Variants in PPP1R1C observed in about 807,000 individuals in gnomAD.
PPP1R1C encodes the protein protein phosphatase 1 regulatory subunit 1C.
In PPP1R1C, 15 loss-of-function variants were observed where a neutral mutation model predicts 17.4. The ratio of observed to expected loss-of-function variants is 0.86; its 90% CI spans 0.58 to 1.33. The LOEUF (loss-of-function observed/expected upper bound fraction) is 1.33. Among genes scored for constraint, PPP1R1C ranks in the 40% most tolerant of loss-of-function variants. The probability of loss-of-function intolerance (pLI) is 0.00; values close to 1 mark genes in which losing one functional copy is unlikely to be tolerated. For synonymous variants in PPP1R1C, 35 were observed against 43.1 expected, an observed-to-expected ratio of 0.81 and a Z score of 0.73; for missense variants, 143 against 130.0, an observed-to-expected ratio of 1.10 and a Z score of -0.48.
intron 4 of PPP1R1C, among the ~76,000 whole-genome samples, chr2:182,086,896 C>G (rs1226507049): frequency 6.6e-6 from 1 of 151,732 alleles, no homozygotes; most frequent in Non-Finnish European, 1.5e-5. Flanking sequence ...TTCTTCTGTC[C>G]CCTACCAGTA....
chr2:182,097,826 G>C (rs1210406082), intron 4 of PPP1R1C, among the ~76,000 whole-genome samples: 1 of 152,124 alleles, frequency 6.6e-6, no homozygotes, highest in Admixed American at 6.5e-5. Flanking sequence ...GTGTACATGA[G>C]CAATTTATAA....
chr2:182,004,936 T>TG (rs1685873237), intron 2 of PPP1R1C, among the ~76,000 whole-genome samples: 1 of 151,772 alleles, frequency 6.6e-6, no homozygotes, highest in African/African-American at 2.4e-5. Flanking sequence ...TTTGGGAGAG[T>TG]GGGGATGGTA....
intron 2 of PPP1R1C, among the ~76,000 whole-genome samples, chr2:182,052,462 A>G (rs1687553218): frequency 1.3e-5 from 2 of 152,228 alleles, no homozygotes; most frequent in Non-Finnish European, 2.9e-5. Context: ...AAGTGAAATA[A>G]TCAAGTTTAT....
intron 4 of PPP1R1C, among the ~76,000 whole-genome samples, chr2:182,071,389 G>A (rs1688135806): frequency 6.6e-6 from 1 of 152,154 alleles, no homozygotes; most frequent in East Asian, 1.9e-4. Context: ...GTGGATTTTT[G>A]GAAGAAAGAC....
intron 1 of PPP1R1C, among the ~76,000 whole-genome samples, chr2:181,965,297 C>A (rs57618755): frequency 0.034 from 5,132 of 152,154 alleles, 282 homozygotes; most frequent in African/African-American, 0.12. Flanking sequence ...ATCTTTTTAA[C>A]TTGATGTGAT....
chr2:181,990,860 C>T (rs1319719255), intron 2 of PPP1R1C, among the ~76,000 whole-genome samples: 3 of 152,270 alleles, frequency 2.0e-5, no homozygotes, highest in Admixed American at 6.5e-5. Context: ...CTGGGTGCAG[C>T]TTTAAATCCT....
intron 2 of PPP1R1C, among the ~76,000 whole-genome samples, chr2:182,015,118 A>T (rs1686219328): frequency 6.6e-6 from 1 of 152,184 alleles, no homozygotes. Context: ...TAGCAGAAGG[A>T]GTCCGATATG....
At chr2:182,063,572 C>T (rs1329939742) in intron 3 of PPP1R1C, among the ~76,000 whole-genome samples, 159 bp from the exon 4 acceptor site, 2 of 152,176 alleles carry the variant, frequency 1.3e-5, no homozygotes, top group Admixed American at 1.3e-4. Context: ...ATATCACTAA[C>T]ATGTATATAA....
intron 4 of PPP1R1C, among the ~76,000 whole-genome samples, chr2:182,066,956 G>GTA (rs1687999869): frequency 1.5e-5 from 1 of 66,474 alleles, no homozygotes; most frequent in Non-Finnish European, 3.8e-5. Context: ...GTGTGTCTGT[G>GTA]TGTGTGTGTG....
At chr2:182,020,482 C>A (rs1686386609) in intron 2 of PPP1R1C, among the ~76,000 whole-genome samples, 1 of 152,134 alleles carries the variant, frequency 6.6e-6, no homozygotes, top group Non-Finnish European at 1.5e-5. Context: ...TTGCAGAAGC[C>A]TAGAGTAGAA....
At chr2:181,973,906 C>G (rs1048376590) in intron 1 of PPP1R1C, among the ~76,000 whole-genome samples, 20 of 152,038 alleles carry the variant, frequency 1.3e-4, no homozygotes, top group Admixed American at 9.2e-4. Flanking sequence ...AAAAGGTTGT[C>G]TAATCAATTA....
chr2:181,985,211 A>G (rs1031158829), upstream of PPP1R1C, among the ~76,000 whole-genome samples: 2 of 152,234 alleles, frequency 1.3e-5, no homozygotes, highest in Non-Finnish European at 2.9e-5. This position sits in a 1 kb window ranked among gnomAD's most constrained non-coding sequence, Gnocchi z 4.1. Flanking sequence ...TTAGCAGCAC[A>G]ATACTTTCCA....
intron 2 of PPP1R1C, among the ~76,000 whole-genome samples, chr2:182,002,293 TA>T: frequency 6.6e-6 from 1 of 152,080 alleles, no homozygotes; most frequent in South Asian, 2.1e-4. Context: ...TTCACTCCAG[TA>T]AAAAATCTGA....
intron 2 of PPP1R1C, among the ~76,000 whole-genome samples, chr2:182,042,094 T>C (rs1049596634): frequency 6.6e-6 from 1 of 152,226 alleles, no homozygotes; most frequent in Admixed American, 6.5e-5. Flanking sequence ...TTACTCACGT[T>C]GAATTGTGAT....
downstream of PPP1R1C, among the ~76,000 whole-genome samples, chr2:182,119,789 A>G (rs1196077): frequency 0.69 from 105,086 of 152,018 alleles, 36,766 homozygotes; most frequent in African/African-American, 0.8. Context: ...GGAGTTCACT[A>G]TAGATTCTGG....
downstream of PPP1R1C, among the ~76,000 whole-genome samples, chr2:182,118,420 G>C (rs766097680): frequency 6.6e-6 from 1 of 151,988 alleles, no homozygotes; most frequent in Non-Finnish European, 1.5e-5. Context: ...AGGGGGAATG[G>C]AAGAATACTC....
rs911121549 is a variant in PPP1R1C at position 182,082,966 on chromosome 2, T to C, written c.241+19175T>C. Among the ~76,000 whole-genome samples the C allele has an allele frequency of 3.3e-5, 5 of 152,188 alleles. No individual in the cohort carries two copies. In the East Asian group the frequency reaches 9.7e-4, roughly 29 times the overall value. ...CAACACAGCCCAACTGGAATACAGA[T>C]ATTTGGGAACACTGTTAGATATGTA... On this transcript the variant is annotated intron_variant, in intron 4 of 4. Coordinates refer to ENST00000682840, the MANE Select transcript of PPP1R1C (RefSeq NM_001080545.3).
Position 181,962,966 on chromosome 2 carries a change from A to G in PPP1R1C, n.111+8332A>G, listed in dbSNP as rs1684830272. 6.6e-6 allele frequency among the ~76,000 whole-genome samples: 1 copy of G among 152,152 alleles called. No individual in the cohort carries two copies. The highest frequency in any genetic ancestry group is 2.4e-5 in the African/African-American group (1 of 41,424). ...GGGTGGGTAGTATACAAGGTAATAT[A>G]CAACACAGAGCAGGGCTGCCGATCC... is the stretch of plus-strand genomic sequence containing the variant. On this transcript the variant is annotated intron_variant and non_coding_transcript_variant, in intron 1 of 5. Transcript: ENST00000464264. The surrounding 1 kb of genome is among the most constrained non-coding windows in gnomAD (Gnocchi z 6.0).
At chr2:181,965,347 A>G (rs1462053247) in intron 1 of PPP1R1C, among the ~76,000 whole-genome samples, 2 of 152,140 alleles carry the variant, frequency 1.3e-5, no homozygotes, top group Admixed American at 1.3e-4. Context: ...TGTGCTTGTC[A>G]GATATTACTC....
Sources: gnomAD v4.1 joint callset for allele counts (sites outside exome capture counted in the v4.1 genomes callset) on GRCh38, gnomAD v4.1.1 for gene constraint, Gnocchi (gnomAD v3.1) non-coding constraint, MANE v1.5 for transcripts, NCBI Gene and HGNC (gene_info 2026-07-23, HGNC 2026-07-21) for gene names.